The following MTMR7 variants were observed in gnomAD, a reference collection of about 807,000 sequenced individuals.
The protein encoded by MTMR7 is phosphatidylinositol-3-phosphate phosphatase MTMR7.
MTMR7 carries 76 observed loss-of-function variants against 81.2 expected under a neutral mutation model. The observed-to-expected ratio is 0.94, with a 90% CI of 0.78 to 1.13. The LOEUF (loss-of-function observed/expected upper bound fraction) is 1.13. Ranked by LOEUF, MTMR7 falls within the 50% of genes most tolerant of loss-of-function variation. MTMR7 has a pLI of 0.00. For synonymous variants in MTMR7, 372 were observed against 289.8 expected (o/e 1.28, Z -2.88); for missense variants, 1,044 against 820.0 (o/e 1.27, Z -3.34).
chr8:17,405,090 G>A (rs565780084), intron 1 of MTMR7, among the ~76,000 whole-genome samples: 7 of 152,326 alleles, frequency 4.6e-5, no homozygotes, highest in East Asian at 1.9e-4. Flanking sequence ...GACCTCAAAC[G>A]ATCCGTCCGC....
intron 1 of MTMR7, among the ~76,000 whole-genome samples, chr8:17,412,049 C>G (rs1485634705): frequency 6.6e-6 from 1 of 152,210 alleles, no homozygotes; most frequent in Non-Finnish European, 1.5e-5. Context: ...GTAGCATTGT[C>G]TTCTAAGTTT....
chr8:17,330,129 G>A (rs896436684), intron 7 of MTMR7, among the ~76,000 whole-genome samples: 2 of 152,344 alleles, frequency 1.3e-5, no homozygotes, highest in African/African-American at 2.4e-5. Flanking sequence ...ATGGAAATTA[G>A]GCCTGTTTGT....
At chr8:17,360,884 T>A (rs1820039050) in intron 4 of MTMR7, among the ~76,000 whole-genome samples, 1 of 152,294 alleles carries the variant, frequency 6.6e-6, no homozygotes, top group South Asian at 2.1e-4. Context: ...TTTCAAGTTC[T>A]GCAACCGTGA....
chr8:17,410,182 G>T (rs7814327), intron 1 of MTMR7, among the ~76,000 whole-genome samples: 4,494 of 152,254 alleles, frequency 0.03, 222 homozygotes, highest in African/African-American at 0.1. Context: ...GTCAGACTAG[G>T]GGGTAGGTGT....
chr8:17,320,203 T>G (rs1818312728), intron 7 of MTMR7, among the ~76,000 whole-genome samples: 1 of 152,158 alleles, frequency 6.6e-6, no homozygotes, highest in South Asian at 2.1e-4. Context: ...AGTTTAAAAT[T>G]CCAAATGTTT....
chr8:17,403,887 T>C (rs1821499067), intron 1 of MTMR7, among the ~76,000 whole-genome samples: 1 of 152,242 alleles, frequency 6.6e-6, no homozygotes, highest in Non-Finnish European at 1.5e-5. Flanking sequence ...ACTGTTGGCA[T>C]ACATGAACGC....
At chr8:17,395,791 T>C (rs1001333724) in intron 1 of MTMR7, among the ~76,000 whole-genome samples, 1 of 152,214 alleles carries the variant, frequency 6.6e-6, no homozygotes, top group Non-Finnish European at 1.5e-5. Flanking sequence ...GTGTTGCACA[T>C]AAGTATCCAA....
chr8:17,360,944 A>T (rs1014202435), intron 4 of MTMR7, among the ~76,000 whole-genome samples, 173 bp downstream of exon 4: 1 of 152,156 alleles, frequency 6.6e-6, no homozygotes, highest in East Asian at 1.9e-4. Context: ...AAACGTTTTG[A>T]TTCTAGGTCC....
rs752555775 is a variant in MTMR7 at position 17,371,212 on chromosome 8, G to A, written c.148-13C>T. On this transcript the variant is annotated splice_polypyrimidine_tract_variant and intron_variant, in intron 2 of 13. Coordinates refer to ENST00000180173, the MANE Select transcript of MTMR7 (RefSeq NM_004686.5). The stretch of plus-strand genomic sequence containing the variant: ...GACTGTGAAGAATCTAGAACCAAAT[G>A]TTAATGTGCATAAGCTAAGCACAAA... The A allele has an allele frequency of 1.9e-5, 30 of 1,613,180 alleles. No individual in the cohort carries two copies. The highest frequency in any genetic ancestry group is 2.7e-5 in the African/African-American group (2 of 74,906).
chr8:17,385,628 T>C (rs1185680155), intron 1 of MTMR7, among the ~76,000 whole-genome samples: 1 of 152,204 alleles, frequency 6.6e-6, no homozygotes, highest in East Asian at 1.9e-4. Context: ...TATGTCTTAA[T>C]TAGCAGCATG....
At chr8:17,331,410 T>C (rs1052464767) in intron 6 of MTMR7, 128 bp from the exon 7 acceptor site, 19 of 958,174 alleles carry the variant, frequency 2.0e-5, no homozygotes, top group African/African-American at 8.4e-5. Context: ...ATACGCTTAT[T>C]TGAATCACTG....
chr8:17,411,592 G>A (rs141555177), intron 1 of MTMR7, among the ~76,000 whole-genome samples: 1 of 152,242 alleles, frequency 6.6e-6, no homozygotes, highest in East Asian at 1.9e-4. Flanking sequence ...AAATGTTAAT[G>A]ACTCACCCAA....
chr8:17,347,134 G>A (rs879260160), intron 5 of MTMR7, among the ~76,000 whole-genome samples: 1 of 151,122 alleles, frequency 6.6e-6, no homozygotes, highest in Admixed American at 6.6e-5. Flanking sequence ...GGTCAAGGCT[G>A]CAGTGAGCCA....
At chr8:17,372,026 C>A (rs1484886443) in intron 2 of MTMR7, among the ~76,000 whole-genome samples, 1 of 152,026 alleles carries the variant, frequency 6.6e-6, no homozygotes, top group Non-Finnish European at 1.5e-5. Flanking sequence ...CTCATTCCCT[C>A]CCCCTCCTCT....
At chr8:17,353,926 C>G (rs1273075579) in intron 4 of MTMR7, among the ~76,000 whole-genome samples, 3 of 152,172 alleles carry the variant, frequency 2.0e-5, no homozygotes, top group African/African-American at 7.2e-5. Context: ...AGGCATTACT[C>G]TCAGCTGCAA....
At chr8:17,372,385 AG>A (rs1203538348) in intron 2 of MTMR7, among the ~76,000 whole-genome samples, 1 of 152,150 alleles carries the variant, frequency 6.6e-6, no homozygotes, top group Non-Finnish European at 1.5e-5. Context: ...CAGGAGTTTG[AG>A]GCCAGCCTGG....
chr8:17,322,283 G>C (rs1448338675), intron 7 of MTMR7, among the ~76,000 whole-genome samples: 1 of 152,178 alleles, frequency 6.6e-6, no homozygotes, highest in African/African-American at 2.4e-5. Flanking sequence ...TGGCCTGTAC[G>C]AGCGAAGTGT....
At chr8:17,336,113 T>A (rs1300886859) in intron 6 of MTMR7, among the ~76,000 whole-genome samples, 1 of 152,140 alleles carries the variant, frequency 6.6e-6, no homozygotes, top group Non-Finnish European at 1.5e-5. Flanking sequence ...AAGTGCTCAA[T>A]CTCCCAAGGT....
rs566082144 is a variant in MTMR7, at chr8:17,398,170, T to C, written c.24+15099A>G. Among the ~76,000 whole-genome samples the C allele has an allele frequency of 3.9e-5, 6 of 151,998 alleles. No homozygotes were observed. The East Asian group carries it at 9.7e-4, about 25-fold the overall frequency. ...CAAACATCCACAAGCATCAAGACCA[T>C]CCAGGAAAACATGACTTTACCAAAT... On this transcript the variant is annotated intron_variant, in intron 1 of 13. Coordinates refer to ENST00000180173, the MANE Select transcript of MTMR7 (RefSeq NM_004686.5).
Sources: gnomAD v4.1 joint callset for allele counts (sites outside exome capture counted in the v4.1 genomes callset) on GRCh38, gnomAD v4.1.1 for gene constraint, MANE v1.5 for transcripts, NCBI Gene and HGNC (gene_info 2026-07-23, HGNC 2026-07-21) for gene names.